The following SPEF2 variants were observed in gnomAD, a reference collection of about 807,000 sequenced individuals.
The protein encoded by SPEF2 is sperm flagellar and cilia associated 2.
A neutral mutation model predicts 224.6 loss-of-function variants in SPEF2; 187 were observed. That is an observed-to-expected ratio of 0.83 (90% CI 0.74 to 0.94). SPEF2 has a LOEUF of 0.94. Among genes scored for constraint, SPEF2 ranks in the 40% least tolerant of loss-of-function variants. SPEF2 has a pLI of 0.00. For synonymous variants in SPEF2, 715 were observed against 707.3 expected (o/e 1.01, Z -0.17); for missense variants, 2,170 against 2,135.6 (o/e 1.02, Z -0.32).
intron 34 of SPEF2, among the ~76,000 whole-genome samples, chr5:35,805,369 A>T (rs771328614): frequency 5.1e-4 from 78 of 152,316 alleles, no homozygotes; most frequent in Non-Finnish European, 8.2e-4. Flanking sequence ...CCAGAGGCTT[A>T]ATTTTATGCT....
rs1459626865 is a variant in SPEF2, at chr5:35,710,937, G to A, written c.2839+1816G>A. The A allele has an allele frequency of 3.1e-6, 3 of 959,608 alleles. No homozygotes were observed. In the African/African-American group the frequency reaches 5.3e-5, roughly 17 times the overall value. The allele number at this position is 959,608 out of a possible 1,614,324, so 59.4% of individuals were successfully genotyped here. A position where few individuals can be genotyped will look rare whatever the true frequency, so the allele number is the denominator to read the frequency against. ...ATGTTTAGAAAGGTTAATCTCGAGA[G>A]TCTTAATTGCTGCCACCCAACCTTA... On this transcript the variant is annotated intron_variant, in intron 19 of 36. Transcript: ENST00000356031.
intron 20 of SPEF2, among the ~76,000 whole-genome samples, chr5:35,717,033 A>T (rs1210883989): frequency 6.6e-6 from 1 of 152,188 alleles, no homozygotes; most frequent in Non-Finnish European, 1.5e-5. Context: ...CCCATTTGCC[A>T]CTGTCCCATT....
At chr5:35,796,395 C>T (rs1280794014) in intron 33 of SPEF2, among the ~76,000 whole-genome samples, 2 of 152,100 alleles carry the variant, frequency 1.3e-5, no homozygotes, top group Non-Finnish European at 2.9e-5. Context: ...ATCACAAGGT[C>T]AGTCAGGAGA....
At chr5:35,692,097 C>T (rs535302930) in intron 11 of SPEF2, among the ~76,000 whole-genome samples, 7 of 152,076 alleles carry the variant, frequency 4.6e-5, no homozygotes, top group Non-Finnish European at 1.0e-4. Flanking sequence ...CGTGCCCAGC[C>T]TTATCACGTT....
chr5:35,650,215 A>C (rs10472977), intron 6 of SPEF2, among the ~76,000 whole-genome samples: 90,688 of 151,912 alleles, frequency 0.6, 27,662 homozygotes, highest in East Asian at 0.74. Context: ...AATCAGAGCC[A>C]TAAGGAAGAA....
chr5:35,787,879 G>A (rs527268116), intron 30 of SPEF2: 32 of 574,684 alleles, frequency 5.6e-5, no homozygotes, highest in South Asian at 3.8e-4. Context: ...GGAATCCTTC[G>A]GATGGTGTGA....
intron 20 of SPEF2, among the ~76,000 whole-genome samples, chr5:35,719,038 A>G (rs1743137137): frequency 1.3e-5 from 2 of 152,232 alleles, no homozygotes; most frequent in South Asian, 4.1e-4. Context: ...GGCTTTGGTT[A>G]GCTGCCTTGG....
intron 26 of SPEF2, among the ~76,000 whole-genome samples, chr5:35,767,009 G>A (rs1020410347): frequency 1.3e-5 from 2 of 151,722 alleles, no homozygotes; most frequent in South Asian, 4.2e-4. Flanking sequence ...TCATTTAAGT[G>A]TTTAGTGTAC....
intron 20 of SPEF2, among the ~76,000 whole-genome samples, chr5:35,716,362 T>C (rs866557503): frequency 3.9e-5 from 6 of 152,078 alleles, no homozygotes; most frequent in Admixed American, 2.0e-4. Context: ...ATCCCTTTTT[T>C]CTCATCAGGA....
chr5:35,679,825 C>T (rs999319183), intron 10 of SPEF2, among the ~76,000 whole-genome samples: 1 of 152,214 alleles, frequency 6.6e-6, no homozygotes, highest in African/African-American at 2.4e-5. Flanking sequence ...AATTTCTGAC[C>T]AGCTCTAATC....
rs376263918 is a variant in SPEF2 at position 35,695,879 on chromosome 5, A to C, written c.2037+83A>C. On this transcript the variant is annotated intron_variant, in intron 14 of 36. Coordinates refer to ENST00000356031, the MANE Select transcript of SPEF2 (RefSeq NM_024867.4). The stretch of plus-strand genomic sequence containing the variant: ...GTGTTTTGGAGTGTCTTCGAATGCA[A>C]TGAAATTGCAATGTGCTCTTCTTTG... 1.1e-5 allele frequency: 11 copies of C among 1,005,440 alleles called. No individual in the cohort carries two copies. In the African/African-American group the frequency reaches 1.3e-4, roughly 12 times the overall value. 62.3% of individuals were successfully genotyped at this position (1,005,440 alleles called of 1,614,324 possible). A position where few individuals can be genotyped will look rare whatever the true frequency, so the allele number is the denominator to read the frequency against.
chr5:35,750,669 G>A (rs1463418629), intron 23 of SPEF2, among the ~76,000 whole-genome samples: 1 of 151,884 alleles, frequency 6.6e-6, no homozygotes, highest in African/African-American at 2.4e-5. Context: ...TGCAAGAATG[G>A]CCATAATGAA....
chr5:35,760,686 A>C (rs1751158690), intron 25 of SPEF2, among the ~76,000 whole-genome samples: 1 of 152,128 alleles, frequency 6.6e-6, no homozygotes, highest in African/African-American at 2.4e-5. Context: ...GTTTTTGTAG[A>C]TCCAATGGGT....
intron 8 of SPEF2, among the ~76,000 whole-genome samples, chr5:35,661,254 TTATATATATATATATATATA>T (rs550178866): frequency 0.35 from 33,273 of 94,040 alleles, 5,869 homozygotes; most frequent in South Asian, 0.49. Context: ...TTGGTATATA[TTATATATATATATATATATA>T]TATATATATA....
chr5:35,659,318 T>G, intron 8 of SPEF2, 111 bp downstream of exon 8: 1 of 1,100,084 alleles, frequency 9.1e-7, no homozygotes, highest in Non-Finnish European at 1.3e-6. Context: ...AGATTTTCTT[T>G]TGTATGATCA....
intron 23 of SPEF2, among the ~76,000 whole-genome samples, chr5:35,750,871 T>A (rs1254483491): frequency 6.6e-6 from 1 of 150,432 alleles, no homozygotes; most frequent in Non-Finnish European, 1.5e-5. Flanking sequence ...AAAGAAGTCA[T>A]TATTTAAAAA....
intron 3 of SPEF2, chr5:35,643,561 G>A: frequency 2.2e-6 from 1 of 455,804 alleles, no homozygotes; most frequent in South Asian, 1.6e-5. Context: ...AGATGAAAAT[G>A]GTACAAGGAC....
intron 30 of SPEF2, among the ~76,000 whole-genome samples, chr5:35,780,768 A>G (rs1441422474): frequency 1.3e-5 from 2 of 152,158 alleles, no homozygotes; most frequent in Non-Finnish European, 2.9e-5. Context: ...TTAATCCTAC[A>G]CTCTGGTGAC....
At chr5:35,663,598 C>G (rs1750028823) in intron 8 of SPEF2, among the ~76,000 whole-genome samples, 3 of 152,148 alleles carry the variant, frequency 2.0e-5, no homozygotes, top group Admixed American at 2.0e-4. Context: ...CCATTTTCCT[C>G]CATGTCTACA....
Sources: gnomAD v4.1 joint callset for allele counts (sites outside exome capture counted in the v4.1 genomes callset) on GRCh38, gnomAD v4.1.1 for gene constraint, MANE v1.5 for transcripts, NCBI Gene and HGNC (gene_info 2026-07-23, HGNC 2026-07-21) for gene names.